The following DNAAF1 variants were observed in gnomAD, a reference collection of about 807,000 sequenced individuals.
DNAAF1 encodes the protein dynein assembly factor 1, axonemal.
Under a neutral mutation model 71.1 loss-of-function variants are expected in DNAAF1, and 65 were observed. The ratio of observed to expected loss-of-function variants is 0.91; its 90% confidence interval spans 0.75 to 1.12. DNAAF1 has a LOEUF of 1.12. Among genes scored for constraint, DNAAF1 ranks in the 50% most tolerant of loss-of-function variants. The pLI is 0.00. For synonymous variants in DNAAF1, 414 were observed against 354.6 expected, an observed-to-expected ratio of 1.17 and a Z score of -1.88; for missense variants, 1,178 against 899.8, an observed-to-expected ratio of 1.31 and a Z score of -3.96.
rs8050706 is a variant in DNAAF1 at position 84,155,130 on chromosome 16, G to C, written c.574+332G>C. On this transcript the variant is annotated intron_variant, in intron 4 of 11. Coordinates refer to ENST00000378553, the MANE Select transcript of DNAAF1 (RefSeq NM_178452.6). The stretch of plus-strand genomic sequence containing the variant: ...TCACCGTGTTAGCCAGGATGGTCTC[G>C]ATCTCCTGACCTCGTGATCCGCCCG... 0.052 allele frequency among the ~76,000 whole-genome samples: 7,855 copies of C among 152,194 alleles called. 300 individuals are homozygous for C. The highest frequency in any genetic ancestry group is 0.22 in the South Asian group (1,046 of 4,820).
intron 6 of DNAAF1, among the ~76,000 whole-genome samples, chr16:84,161,035 C>G (rs112613190): frequency 4.1e-4 from 63 of 152,044 alleles, no homozygotes; most frequent in African/African-American, 1.4e-3. Context: ...GTGGTAAGGA[C>G]GGGGAGAGCA....
chr16:84,157,793 A>G (rs2087509688), intron 5 of DNAAF1, among the ~76,000 whole-genome samples: 2 of 152,230 alleles, frequency 1.3e-5, no homozygotes, highest in Non-Finnish European at 2.9e-5. Flanking sequence ...TCAAAAGACT[A>G]GTTTAGAACT....
chr16:84,160,949 A>G (rs1266754485), intron 6 of DNAAF1, among the ~76,000 whole-genome samples: 2 of 152,046 alleles, frequency 1.3e-5, no homozygotes, highest in African/African-American at 4.8e-5. Context: ...AAAAAAAAAA[A>G]AAAAGAAAAC....
chr16:84,171,652 G>A (rs533436324), intron 8 of DNAAF1, among the ~76,000 whole-genome samples: 2 of 152,256 alleles, frequency 1.3e-5, no homozygotes, highest in South Asian at 2.1e-4. Context: ...GTCTCTGAGC[G>A]AGTCGCCCCT....
chr16:84,148,878 C>G, intron 1 of DNAAF1, 129 bp from the exon 2 acceptor site: 1 of 1,095,184 alleles, frequency 9.1e-7, no homozygotes, highest in East Asian at 2.5e-5. Context: ...GCCTGAGCCA[C>G]CATACCCAGC....
chr16:84,177,590 A>G (rs763800110), intron 11 of DNAAF1, 139 bp from the exon 12 acceptor site: 2 of 749,746 alleles, frequency 2.7e-6, no homozygotes, highest in South Asian at 1.4e-5. Context: ...CGGCCTCCCA[A>G]AGTGCTGGGA....
At chr16:84,164,399 C>G (rs2087865913) in intron 6 of DNAAF1, among the ~76,000 whole-genome samples, 1 of 152,202 alleles carries the variant, frequency 6.6e-6, no homozygotes, top group Non-Finnish European at 1.5e-5. Context: ...CTAAAACCCT[C>G]TGTGCTCTGC....
chr16:84,168,928 G>A (rs753862815), intron 7 of DNAAF1, among the ~76,000 whole-genome samples: 2 of 151,606 alleles, frequency 1.3e-5, no homozygotes, highest in East Asian at 1.9e-4. Flanking sequence ...GTGCTTCAGC[G>A]TGCATCTCCT....
Position 84,170,113 on chromosome 16 carries a change from G to T in DNAAF1, c.1285G>T (p.Val429Phe), listed in dbSNP as rs1267192221. ...CCTGCTACTGTCGTCACCTGTGGAG[G>T]TTAAAGGAGAGGACGGAGATGGAGA... ...ETLLLSSPVE[V>F]KGEDGDGEPE... The change falls in exon 8 of 12, where the codon GTT becomes TTT. Residue 429 changes from valine to phenylalanine, a missense_variant. Coordinates refer to ENST00000378553, the MANE Select transcript of DNAAF1 (RefSeq NM_178452.6). The T allele has an allele frequency of 6.3e-7, 1 of 1,583,610 alleles. No individual in the cohort carries two copies. The highest frequency in any genetic ancestry group is 8.6e-7 in the Non-Finnish European group (1 of 1,161,306).
intron 4 of DNAAF1, 76 bp from the exon 5 acceptor site, chr16:84,155,507 G>A: frequency 4.0e-6 from 6 of 1,516,708 alleles, no homozygotes; most frequent in Non-Finnish European, 4.6e-6. Context: ...TGGGATTACA[G>A]GTATGAACCA....
At chr16:84,174,866 T>A (rs2088569822) in intron 10 of DNAAF1, 144 bp downstream of exon 10, 3 of 1,157,928 alleles carry the variant, frequency 2.6e-6, no homozygotes, top group Non-Finnish European at 3.8e-6. Context: ...TTTCTTTTCT[T>A]TTCTTTTCAG....
rs375586546 is a variant in DNAAF1 at position 84,145,576 on chromosome 16, C to T, written c.124+12C>T. 50 of 1,544,490 alleles carry T rather than the reference C, an allele frequency of 3.2e-5. No homozygotes were observed. The highest frequency in any genetic ancestry group is 9.6e-5 in the African/African-American group (7 of 72,964). On this transcript the variant is annotated intron_variant, in intron 1 of 11. Coordinates refer to ENST00000378553, the MANE Select transcript of DNAAF1 (RefSeq NM_178452.6). The stretch of plus-strand genomic sequence containing the variant: ...GGGCTGCAAGGAAGGTGCCGACTGC[C>T]CCCCAGGGAGGGCGGTGGGCGAGGG...
rs762843285 is a variant in DNAAF1 at position 84,165,930 on chromosome 16, GA to G, written c.1012del (p.Arg338GlufsTer9). On this transcript the variant is annotated frameshift_variant, in exon 7 of 12. Transcript: ENST00000378553. LOFTEE classifies it high-confidence loss of function. ...KQRAEERKRQ[R>X]ESQERGEMTS... Reference sequence around the variant, plus strand: ...AGCGGGCAGAGGAGAGGAAAAGACAGAGAGAGAGTCAAGAGAGAGGTATGCG... The same window carrying G: ...AGCGGGCAGAGGAGAGGAAAAGACAGGAGAGAGTCAAGAGAGAGGTATGCG... The G allele has an allele frequency of 6.8e-6, 11 of 1,612,906 alleles. No homozygotes were observed. Among genetic ancestry groups the G allele is most frequent in the Non-Finnish European group, 9.3e-6 (11 of 1,179,818 alleles).
chr16:84,158,972 C>G (rs1412493736), intron 5 of DNAAF1: 1 of 946,098 alleles, frequency 1.1e-6, no homozygotes, highest in Non-Finnish European at 1.3e-6. Flanking sequence ...CTCAAGTGAT[C>G]CACCCACCTC....
intron 3 of DNAAF1, among the ~76,000 whole-genome samples, chr16:84,152,129 T>A (rs1246524027): frequency 6.6e-6 from 1 of 152,076 alleles, no homozygotes; most frequent in African/African-American, 2.4e-5. Context: ...GCAGTTAGGA[T>A]CTTAGGGAGA....
At chr16:84,172,791 C>A (rs374130614) in intron 9 of DNAAF1, 3 of 1,073,672 alleles carry the variant, frequency 2.8e-6, no homozygotes, top group South Asian at 5.8e-5. Context: ...ATCTTTTCCC[C>A]CCTCCGTGGA....
At chr16:84,166,009 C>T (rs754962040) in intron 7 of DNAAF1, 60 bp downstream of exon 7, 1 of 1,576,902 alleles carries the variant, frequency 6.3e-7, no homozygotes, top group African/African-American at 1.4e-5. Flanking sequence ...CAAGTCTAAG[C>T]TCTCAAACCC....
intron 9 of DNAAF1, chr16:84,172,776 A>C (rs531256827): frequency 9.0e-7 from 1 of 1,104,978 alleles, no homozygotes; most frequent in African/African-American, 1.6e-5. Context: ...ATCTTTATAC[A>C]TTGTATCTTT....
chr16:84,175,775 C>T (rs2088617992), intron 10 of DNAAF1, 158 bp from the exon 11 acceptor site: 2 of 915,826 alleles, frequency 2.2e-6, no homozygotes, highest in South Asian at 1.5e-5. Flanking sequence ...CACCCCCAGG[C>T]CTAACTTTCA....
Sources: allele counts gnomAD v4.1 joint callset (sites outside exome capture counted in the v4.1 genomes callset), GRCh38; gene constraint gnomAD v4.1.1; transcripts MANE v1.5; gene names NCBI Gene and HGNC (gene_info 2026-07-23, HGNC 2026-07-21).